Variants in HHIPL2 observed in about 807,000 individuals in gnomAD.
HHIPL2 encodes HHIP-like protein 2.
A neutral mutation model predicts 61.0 loss-of-function variants in HHIPL2; 61 were observed. The observed-to-expected ratio is 1.00, with a 90% CI of 0.81 to 1.24. The LOEUF (loss-of-function observed/expected upper bound fraction) is 1.24. Ranked by LOEUF, HHIPL2 falls within the 50% of genes most tolerant of loss-of-function variation. The pLI, the probability that HHIPL2 is intolerant of heterozygous loss-of-function variation, is 0.00. For missense variants in HHIPL2, 885 were observed against 910.2 expected (o/e 0.97, Z 0.36); for synonymous variants, 343 against 357.4 (o/e 0.96, Z 0.45).
chr1:222,542,494 C>T (rs1021022580), intron 2 of HHIPL2, among the ~76,000 whole-genome samples: 10 of 148,884 alleles, frequency 6.7e-5, no homozygotes, highest in East Asian at 4.0e-4. Flanking sequence ...GAGAGCCTCC[C>T]GAGTAGCTGG....
chr1:222,542,340 G>A (rs1659450150), intron 2 of HHIPL2, among the ~76,000 whole-genome samples, 185 bp from the exon 3 acceptor site: 1 of 151,190 alleles, frequency 6.6e-6, no homozygotes, highest in Non-Finnish European at 1.5e-5. Flanking sequence ...CTTGTTTCCT[G>A]GTATAACTCT....
intron 5 of HHIPL2, among the ~76,000 whole-genome samples, chr1:222,533,500 T>C (rs1388510735): frequency 6.6e-6 from 1 of 152,030 alleles, no homozygotes; most frequent in Non-Finnish European, 1.5e-5. Context: ...ATCCCAAAGC[T>C]CTAGTAAGTG....
rs1327872711 is a variant in HHIPL2, at chr1:222,544,157, G to A, written c.354C>T (p.Asp118=). 1.2e-6 allele frequency: 2 copies of A among 1,613,442 alleles called. No homozygotes were observed. Among genetic ancestry groups the A allele is most frequent in the Non-Finnish European group, 1.7e-6 (2 of 1,180,018 alleles). ...ECSPYAAHLY[D]AENTQTPLRN... ...GGAGAGGCGTCTGGGTGTTTTCGGC[G>A]TCGTAGAGGTGGGCTGCGTAGGGCG... The change falls in exon 2 of 9, where the codon GAC becomes GAT. Residue 118 remains aspartate (D), a synonymous_variant. Coordinates refer to ENST00000343410, the MANE Select transcript of HHIPL2 (RefSeq NM_024746.4).
At position 222,542,090 on chromosome 1, in the gene HHIPL2, T is replaced by C; in HGVS notation, c.1040A>G (p.Asp347Gly). The C allele has an allele frequency of 6.2e-7, 1 of 1,614,076 alleles. No individual in the cohort carries two copies. The highest frequency in any genetic ancestry group is 8.5e-7 in the Non-Finnish European group (1 of 1,180,020). ...CCCAGTGAATATGTACATATAGCCA[T>C]CCAGGCCAAAAAGAAGTTGTCCGCC... ...HNGGQLLFGL[D>G]GYMYIFTGDG... The change falls in exon 3 of 9, where the codon GAT becomes GGT. Residue 347 changes from aspartate (D) to glycine (G), a missense_variant. Physicochemically the swap from Asp to Gly is moderately conservative, Grantham distance 94. Transcript: ENST00000343410.
intron 5 of HHIPL2, among the ~76,000 whole-genome samples, chr1:222,535,252 G>A (rs1659278302): frequency 6.6e-6 from 1 of 152,062 alleles, no homozygotes; most frequent in Admixed American, 6.5e-5. Context: ...AAAAATGAAG[G>A]CAAAATAAAG....
In HHIPL2 at chr1:222,547,806, G is replaced by A; in HGVS notation, c.239C>T (p.Ala80Val). ...CDQHKDRRIA[A>V]RYWDIMEYFD... ...ATATTCCATGATGTCCCAGTACCGGGCAGCGATGCGGCGGTCCTTGTGCTG... is the reference window on the plus strand; with the variant it reads ...ATATTCCATGATGTCCCAGTACCGGACAGCGATGCGGCGGTCCTTGTGCTG... The change falls in exon 1 of 9, where the codon GCC becomes GTC. Residue 80 changes from alanine (A) to valine (V), a missense_variant. Physicochemically the swap from Ala to Val is moderately conservative, Grantham distance 64. Coordinates refer to ENST00000343410, the MANE Select transcript of HHIPL2 (RefSeq NM_024746.4). 6.2e-7 allele frequency: 1 copy of A among 1,614,160 alleles called. No individual in the cohort carries two copies. The highest frequency in any genetic ancestry group is 8.5e-7 in the Non-Finnish European group (1 of 1,180,012).
chr1:222,522,996 C>T, intron 8 of HHIPL2, 109 bp from the exon 9 acceptor site: 2 of 884,884 alleles, frequency 2.3e-6, no homozygotes, highest in Non-Finnish European at 3.3e-6. Context: ...CTTATTAATA[C>T]TTTTAATTCT....
Position 222,523,033 on chromosome 1 carries a change from A to C in HHIPL2, c.1889-146T>G, listed in dbSNP as rs558347758. 7.6e-6 allele frequency: 5 copies of C among 654,780 alleles called. No homozygotes were observed. The South Asian group carries it at 1.3e-4, about 17-fold the overall frequency. The allele number at this position is 654,780 out of a possible 1,614,324, so 40.6% of individuals were successfully genotyped here. On this transcript the variant is annotated intron_variant, in intron 8 of 8. Transcript: ENST00000343410. ...TAACTGGCCTTGGTCTAAATATATG[A>C]CTTTTTTAGAAGGGTCACTCCAGTG... is the stretch of plus-strand genomic sequence containing the variant.
At chr1:222,532,572 C>G (rs1238640506) in intron 5 of HHIPL2, among the ~76,000 whole-genome samples, 1 of 151,302 alleles carries the variant, frequency 6.6e-6, no homozygotes, top group Non-Finnish European at 1.5e-5. Flanking sequence ...CAAGATCATG[C>G]CACTGCACAC....
Position 222,543,785 on chromosome 1 carries a change from C to CCA in HHIPL2, c.724_725dup (p.Trp242CysfsTer23). On this transcript the variant is annotated frameshift_variant, in exon 2 of 9. Coordinates refer to ENST00000343410, the MANE Select transcript of HHIPL2 (RefSeq NM_024746.4). LOFTEE classifies it high-confidence loss of function. ...GGCGACTCCCATCAGGGAGGTAGAC[C>CCA]CACACCACTCCTACCTGCTCGGCAA... 6.2e-7 allele frequency: 1 copy of CCA among 1,614,010 alleles called. No individual in the cohort carries two copies. The highest frequency in any genetic ancestry group is 1.3e-5 in the African/African-American group (1 of 74,978).
intron 4 of HHIPL2, among the ~76,000 whole-genome samples, 154 bp downstream of exon 4, chr1:222,539,856 C>A (rs1017672818): frequency 5.9e-5 from 9 of 152,140 alleles, no homozygotes; most frequent in Non-Finnish European, 1.2e-4. Context: ...CAGTGAGTGG[C>A]TGGAGGACCG....
chr1:222,533,171 C>G (rs1321864254), intron 5 of HHIPL2, among the ~76,000 whole-genome samples: 2 of 152,002 alleles, frequency 1.3e-5, no homozygotes, highest in African/African-American at 4.8e-5. Flanking sequence ...TCGAGACCAG[C>G]CTGACCAACA....
chr1:222,529,217 C>G (rs1022653341), intron 6 of HHIPL2, among the ~76,000 whole-genome samples: 6 of 152,130 alleles, frequency 3.9e-5, no homozygotes, highest in Admixed American at 1.3e-4. Context: ...CACAGGGTAG[C>G]AGCTGCCTAA....
At position 222,538,761 on chromosome 1, in the gene HHIPL2, T is replaced by C. The variant is rs758728953; in HGVS notation, c.1464A>G (p.Pro488=). ...CCACTGCATGGCCATAAGCATAGAT[T>C]GGCAGAACATCATCTGTCCAGGAGA... ...CHNASLDDVL[P]IYAYGHAVGK... Residue 488 remains proline (P), a synonymous_variant, in exon 5 of 9, where the codon CCA becomes CCG. Coordinates refer to ENST00000343410, the MANE Select transcript of HHIPL2 (RefSeq NM_024746.4). 1.2e-6 allele frequency: 2 copies of C among 1,614,042 alleles called. No homozygotes were observed. The highest frequency in any genetic ancestry group is 1.3e-5 in the African/African-American group (1 of 74,922).
rs772231893 is a variant in HHIPL2, at chr1:222,544,014, G to A, written c.497C>T (p.Thr166Ile). 5 of 1,614,092 alleles carry A rather than the reference G, an allele frequency of 3.1e-6. No individual in the cohort carries two copies. In the South Asian group the frequency reaches 5.5e-5, roughly 18 times the overall value. Residue 166 changes from threonine (T) to isoleucine (I), a missense_variant, in exon 2 of 9, where the codon ACC becomes ATC. By Grantham distance (89) the Thr-to-Ile change is moderately conservative (BLOSUM62 -1). Coordinates refer to ENST00000343410, the MANE Select transcript of HHIPL2 (RefSeq NM_024746.4). ...GLQESHGRDG[T>I]RFCHLLDLPD... ...AAGGTCCAGGAGGTGGCAGAAGCGG[G>A]TACCGTCCCTTCCATGAGACTCCTG...
chr1:222,527,871 C>A (rs1213096665), intron 6 of HHIPL2, among the ~76,000 whole-genome samples: 6 of 152,146 alleles, frequency 3.9e-5, no homozygotes, highest in Non-Finnish European at 5.9e-5. Context: ...GTAAGAGGTG[C>A]CTTTCACCTT....
intron 4 of HHIPL2, among the ~76,000 whole-genome samples, chr1:222,539,297 C>T (rs1481677045): frequency 3.3e-5 from 5 of 151,850 alleles, no homozygotes; most frequent in South Asian, 2.1e-4. Flanking sequence ...TTTGGGAGGC[C>T]GAGGCAGGCG....
Position 222,542,282 on chromosome 1 carries a change from A to G in HHIPL2, c.975-127T>C, listed in dbSNP as rs540918426. 9.5e-5 allele frequency: 99 copies of G among 1,046,450 alleles called. No homozygotes were observed. In the African/African-American group the frequency reaches 1.5e-3, roughly 16 times the overall value. 64.8% of individuals were successfully genotyped at this position (1,046,450 alleles called of 1,614,324 possible). A position where few individuals can be genotyped will look rare whatever the true frequency, so the allele number is the denominator to read the frequency against. On this transcript the variant is annotated intron_variant, in intron 2 of 8. Coordinates refer to ENST00000343410, the MANE Select transcript of HHIPL2 (RefSeq NM_024746.4). ...CCAAGCCAGCCAAGACCTGCTTCTG[A>G]GTTTTTAAGGATCACAAAGCAAGTA...
chr1:222,533,900 A>G (rs1213217492), intron 5 of HHIPL2, among the ~76,000 whole-genome samples: 1 of 152,246 alleles, frequency 6.6e-6, no homozygotes, highest in Non-Finnish European at 1.5e-5. Context: ...TTGCACAGAG[A>G]AAGAATGCCA....
Sources: allele counts gnomAD v4.1 joint callset (sites outside exome capture counted in the v4.1 genomes callset), GRCh38; gene constraint gnomAD v4.1.1; transcripts MANE v1.5; gene names NCBI Gene and HGNC (gene_info 2026-07-23, HGNC 2026-07-21).